DCDC2C: variants seen among roughly 807,000 people sequenced by gnomAD.
The protein encoded by DCDC2C is doublecortin domain containing 2C.
In DCDC2C, 44 loss-of-function variants were observed where a neutral mutation model predicts 45.0. The observed-to-expected ratio is 0.98, with a 90% CI of 0.77 to 1.26. DCDC2C has a LOEUF of 1.26. Among genes scored for constraint, DCDC2C ranks in the 50% most tolerant of loss-of-function variants. The pLI, the probability that DCDC2C is intolerant of heterozygous loss-of-function variation, is 0.00. For missense variants in DCDC2C, 447 were observed against 468.9 expected, an observed-to-expected ratio of 0.95 and a Z score of 0.43; for synonymous variants, 187 against 178.8, an observed-to-expected ratio of 1.05 and a Z score of -0.37.
intron 10 of DCDC2C, among the ~76,000 whole-genome samples, chr2:3,794,459 C>G (rs1670903663): frequency 6.6e-6 from 1 of 152,166 alleles, no homozygotes; most frequent in Non-Finnish European, 1.5e-5. Context: ...TGGTGCGCTG[C>G]ACCCATTAAC....
chr2:3,741,989 T>A lies in DCDC2C; in HGVS notation c.486T>A (p.Asp162Glu). ...TTATACCCAAATTTAGTCTGTCCGATTGGGACATCGTGCTGGCCACGATCG... is the reference window on the plus strand; with the variant it reads ...TTATACCCAAATTTAGTCTGTCCGAATGGGACATCGTGCTGGCCACGATCG... The part of the protein sequence containing the change: ...KIIIPKFSLS[D>E]WDIVLATIGE... The change falls in exon 4 of 11, where the codon GAT (aspartate) becomes GAA (glutamate). Residue 162 changes from aspartate to glutamate, a missense_variant. Asp to Glu is a conservative substitution (Grantham distance 45). Transcript: ENST00000399143. 6.5e-7 allele frequency: 1 copy of A among 1,548,974 alleles called. No individual in the cohort carries two copies. The highest frequency in any genetic ancestry group is 2.0e-5 in the Admixed American group (1 of 50,734).
rs1428846198 is a variant in DCDC2C, at chr2:3,818,056, T to G, written c.1066-29098T>G. On this transcript the variant is annotated intron_variant, in intron 10 of 10. Coordinates refer to ENST00000399143, the MANE Select transcript of DCDC2C (RefSeq NM_001287444.2). This position sits in a 1 kb window ranked among gnomAD's most constrained non-coding sequence, Gnocchi z 4.7. ...AATAGATAATGGATGAGGAAGAAAT[T>G]TGGGCTTTGGAGGGGGATATGAGAT... 6.6e-6 allele frequency among the ~76,000 whole-genome samples: 1 copy of G among 152,026 alleles called. No homozygotes were observed. Among genetic ancestry groups the G allele is most frequent in the East Asian group, 1.9e-4 (1 of 5,184 alleles).
chr2:3,840,051 A>G (rs937083248), intron 10 of DCDC2C, among the ~76,000 whole-genome samples: 5 of 152,240 alleles, frequency 3.3e-5, no homozygotes, highest in Admixed American at 6.5e-5. Context: ...AGATCTGTGG[A>G]AAAGTTTTAT....
intron 2 of DCDC2C, among the ~76,000 whole-genome samples, chr2:3,710,067 A>G (rs1282364995): frequency 6.6e-6 from 1 of 152,216 alleles, no homozygotes; most frequent in Non-Finnish European, 1.5e-5. Flanking sequence ...CACTTTGTTC[A>G]TTTCAAAAAT....
intron 6 of DCDC2C, among the ~76,000 whole-genome samples, chr2:3,767,455 G>A (rs1197690957): frequency 6.6e-6 from 1 of 152,222 alleles, no homozygotes; most frequent in Non-Finnish European, 1.5e-5. Flanking sequence ...TCTAAAGCAA[G>A]CCCTTATTTT....
chr2:3,735,199 G>A (rs546032689), intron 3 of DCDC2C, among the ~76,000 whole-genome samples: 8 of 152,180 alleles, frequency 5.3e-5, no homozygotes, highest in Middle Eastern at 3.4e-3. Context: ...GGCATTCAGC[G>A]TGCAGAAGGG....
intron 10 of DCDC2C, among the ~76,000 whole-genome samples, chr2:3,799,967 C>G (rs1009555673): frequency 6.6e-6 from 1 of 152,226 alleles, no homozygotes; most frequent in African/African-American, 2.4e-5. Flanking sequence ...CTCCCCCAGC[C>G]TCGCTGCTGC....
chr2:3,780,296 G>C (rs1670475209), intron 9 of DCDC2C, among the ~76,000 whole-genome samples: 1 of 152,114 alleles, frequency 6.6e-6, no homozygotes, highest in South Asian at 2.1e-4. Context: ...TTTCAACAGC[G>C]ATATGATCCA....
intron 8 of DCDC2C, among the ~76,000 whole-genome samples, chr2:3,776,117 C>G (rs189128540): frequency 2.0e-5 from 3 of 152,356 alleles, no homozygotes; most frequent in East Asian, 3.9e-4. Flanking sequence ...TGGATCCTTT[C>G]CCGCTCAGAA....
chr2:3,714,489 G>GT (rs34982312), intron 2 of DCDC2C, among the ~76,000 whole-genome samples: 53,760 of 151,872 alleles, frequency 0.35, 10,292 homozygotes, highest in Middle Eastern at 0.45. Flanking sequence ...CCAATTCAAT[G>GT]TTTTTTCCCC....
intron 2 of DCDC2C, among the ~76,000 whole-genome samples, chr2:3,717,010 G>C (rs915142246): frequency 6.6e-6 from 1 of 152,104 alleles, no homozygotes; most frequent in Admixed American, 6.5e-5. Context: ...TCTTTCTCAG[G>C]AAAGAAAATT....
chr2:3,815,313 C>T (rs1042367120), intron 10 of DCDC2C, among the ~76,000 whole-genome samples: 16 of 152,224 alleles, frequency 1.1e-4, no homozygotes, highest in Non-Finnish European at 1.5e-4. Context: ...TCAGGTGAGC[C>T]GCTGCACTGC....
chr2:3,810,371 G>A (rs1315603272), intron 10 of DCDC2C, among the ~76,000 whole-genome samples: 3 of 152,144 alleles, frequency 2.0e-5, no homozygotes, highest in Non-Finnish European at 4.4e-5. Context: ...TCATGTATTT[G>A]TTAGCCACAT....
intron 6 of DCDC2C, among the ~76,000 whole-genome samples, chr2:3,764,951 G>T (rs373777808): frequency 5.3e-5 from 8 of 152,304 alleles, no homozygotes; most frequent in African/African-American, 1.9e-4. Flanking sequence ...TCCTAAATTT[G>T]GCAATTGTCT....
At chr2:3,758,258 G>A (rs559896610) in intron 6 of DCDC2C, among the ~76,000 whole-genome samples, 13 of 152,178 alleles carry the variant, frequency 8.5e-5, no homozygotes, top group African/African-American at 1.9e-4. Context: ...TGCATCTGAC[G>A]TCGACAGCGT....
At chr2:3,795,529 T>C (rs1195821444) in intron 10 of DCDC2C, among the ~76,000 whole-genome samples, 1 of 125,042 alleles carries the variant, frequency 8.0e-6, no homozygotes, top group Non-Finnish European at 1.7e-5. Context: ...TAATCCATCT[T>C]GAATTGATTT....
intron 10 of DCDC2C, among the ~76,000 whole-genome samples, chr2:3,823,026 C>G (rs1671732240): frequency 6.6e-6 from 1 of 152,090 alleles, no homozygotes; most frequent in African/African-American, 2.4e-5. Flanking sequence ...TGAGGCTTAC[C>G]CAGGCACATG....
At chr2:3,817,949 G>A (rs754435973) in intron 10 of DCDC2C, among the ~76,000 whole-genome samples, 1 of 152,150 alleles carries the variant, frequency 6.6e-6, no homozygotes, top group Admixed American at 6.5e-5. Flanking sequence ...TTGCTGTTTT[G>A]TAGAAGGGGT....
chr2:3,836,863 A>AC (rs1314718750), intron 10 of DCDC2C, among the ~76,000 whole-genome samples: 2 of 150,162 alleles, frequency 1.3e-5, no homozygotes, highest in Non-Finnish European at 3.0e-5. Flanking sequence ...CTCCGTCTCA[A>AC]AAAAAAAAAA....
Sources: allele counts gnomAD v4.1 joint callset (sites outside exome capture counted in the v4.1 genomes callset), GRCh38; gene constraint gnomAD v4.1.1; non-coding constraint Gnocchi (gnomAD v3.1); transcripts MANE v1.5; gene names NCBI Gene and HGNC (gene_info 2026-07-23, HGNC 2026-07-21).